The following ADGRL3 variants were observed in gnomAD, a reference collection of about 807,000 sequenced individuals.
The protein encoded by ADGRL3 is calcium-independent alpha-latrotoxin receptor 3.
Under a neutral mutation model 153.5 loss-of-function variants are expected in ADGRL3, and 62 were observed. That is an observed-to-expected ratio of 0.40 (90% CI 0.33 to 0.50). The LOEUF (loss-of-function observed/expected upper bound fraction) is 0.50. ADGRL3 is among the 20% of genes least tolerant of loss of function. The pLI is 0.47. For missense variants in ADGRL3, 1,641 were observed against 1,859.4 expected, an observed-to-expected ratio of 0.88 and a Z score of 2.16; for synonymous variants, 710 against 672.5, an observed-to-expected ratio of 1.06 and a Z score of -0.86.
intron 4 of ADGRL3, among the ~76,000 whole-genome samples, chr4:61,533,869 C>T (rs1393746145): frequency 6.6e-6 from 1 of 152,036 alleles, no homozygotes; most frequent in African/African-American, 2.4e-5. Flanking sequence ...TGAAAAAGTG[C>T]TATATACTAG....
chr4:61,586,180 G>A (rs1385645219), intron 4 of ADGRL3, among the ~76,000 whole-genome samples: 2 of 151,866 alleles, frequency 1.3e-5, no homozygotes, highest in East Asian at 3.9e-4. Flanking sequence ...ATTGATATTT[G>A]CCACATTTGA....
chr4:61,976,964 G>A (rs1454303463), intron 17 of ADGRL3, among the ~76,000 whole-genome samples: 1 of 152,154 alleles, frequency 6.6e-6, no homozygotes, highest in Admixed American at 6.5e-5. Flanking sequence ...CATATAGGTG[G>A]TTGGTGTTGA....
intron 8 of ADGRL3, among the ~76,000 whole-genome samples, chr4:61,766,791 G>C (rs1175505635): frequency 6.6e-6 from 1 of 151,780 alleles, no homozygotes; most frequent in Non-Finnish European, 1.5e-5. Flanking sequence ...TTGAGATCTA[G>C]AACAGAATAA....
chr4:61,510,583 T>A (rs187206064), intron 3 of ADGRL3, among the ~76,000 whole-genome samples: 30 of 152,216 alleles, frequency 2.0e-4, no homozygotes, highest in Non-Finnish European at 3.1e-4. Flanking sequence ...TGTGTGGCTT[T>A]ATTTCTGGCT....
intron 4 of ADGRL3, among the ~76,000 whole-genome samples, chr4:61,555,851 AACTATC>A (rs1209294596): frequency 2.0e-5 from 3 of 152,178 alleles, no homozygotes; most frequent in Non-Finnish European, 4.4e-5. Flanking sequence ...GGCATCTGTA[AACTATC>A]ACTGCGCTGG....
At chr4:61,362,734 G>A (rs1373608252) in intron 1 of ADGRL3, among the ~76,000 whole-genome samples, 6 of 151,950 alleles carry the variant, frequency 3.9e-5, no homozygotes, top group African/African-American at 1.5e-4. Flanking sequence ...CTGTTTCAGG[G>A]GTGACAGGCA....
At chr4:61,598,449 T>TATCAGCA (rs2098998214) in intron 5 of ADGRL3, among the ~76,000 whole-genome samples, 1 of 152,198 alleles carries the variant, frequency 6.6e-6, no homozygotes, top group African/African-American at 2.4e-5. Flanking sequence ...TATAAAATAA[T>TATCAGCA]ATCAGCAACA....
intron 6 of ADGRL3, among the ~76,000 whole-genome samples, chr4:61,684,518 G>T (rs892215691): frequency 6.6e-6 from 1 of 152,010 alleles, no homozygotes; most frequent in Admixed American, 6.6e-5. Flanking sequence ...AAGAAGAATG[G>T]GCTGGCAAAG....
chr4:61,699,067 G>T (rs2151273266), intron 6 of ADGRL3, among the ~76,000 whole-genome samples: 1 of 152,218 alleles, frequency 6.6e-6, no homozygotes, highest in East Asian at 1.9e-4. Flanking sequence ...ATCTAAAGAA[G>T]TCTTGAGCAC....
intron 2 of ADGRL3, among the ~76,000 whole-genome samples, chr4:61,438,940 C>T (rs2097491625): frequency 6.6e-6 from 1 of 151,940 alleles, no homozygotes; most frequent in African/African-American, 2.4e-5. Flanking sequence ...ATCGCCTGAC[C>T]TCATGATCCG....
intron 1 of ADGRL3, among the ~76,000 whole-genome samples, chr4:61,230,736 T>C (rs755047080): frequency 1.3e-5 from 2 of 152,172 alleles, no homozygotes; most frequent in African/African-American, 2.4e-5. Flanking sequence ...CATCCACCTA[T>C]CATGTATGAG....
chr4:61,900,101 A>G (rs1394084771), intron 11 of ADGRL3, among the ~76,000 whole-genome samples: 3 of 152,150 alleles, frequency 2.0e-5, no homozygotes, highest in Non-Finnish European at 2.9e-5. Context: ...TATGGTGGAC[A>G]TATCATTAAC....
intron 2 of ADGRL3, among the ~76,000 whole-genome samples, chr4:61,399,285 C>G (rs2152096108): frequency 6.6e-6 from 1 of 151,588 alleles, no homozygotes; most frequent in Non-Finnish European, 1.5e-5. Context: ...TTTAAAATAT[C>G]TTTTACAGTA....
chr4:61,321,928 G>A (rs13150558), intron 1 of ADGRL3, among the ~76,000 whole-genome samples: 10,622 of 152,104 alleles, frequency 0.07, 463 homozygotes, highest in South Asian at 0.12. Flanking sequence ...TTGTTACATA[G>A]TTTTTTAAAA....
At chr4:61,406,701 GT>G (rs1313733120) in intron 2 of ADGRL3, among the ~76,000 whole-genome samples, 2 of 151,962 alleles carry the variant, frequency 1.3e-5, no homozygotes, top group Non-Finnish European at 2.9e-5. Context: ...CCACATTCGT[GT>G]TTGGAGAGGC....
chr4:61,382,619 T>C (rs2096684239), intron 1 of ADGRL3, among the ~76,000 whole-genome samples: 1 of 151,814 alleles, frequency 6.6e-6, no homozygotes, highest in African/African-American at 2.4e-5. Context: ...ATTTAGATTA[T>C]TGTGAATAAA....
At chr4:61,382,660 A>G (rs905609727) in intron 1 of ADGRL3, among the ~76,000 whole-genome samples, 1 of 151,634 alleles carries the variant, frequency 6.6e-6, no homozygotes, top group East Asian at 1.9e-4. Context: ...TGTATACATA[A>G]ATAAGGGTGT....
chr4:61,601,863 C>G (rs1296802723), intron 5 of ADGRL3, among the ~76,000 whole-genome samples: 1 of 152,122 alleles, frequency 6.6e-6, no homozygotes, highest in East Asian at 1.9e-4. Flanking sequence ...GTCTTTCAAA[C>G]TACTATACTT....
chr4:61,770,665 A>G (rs892998154), intron 8 of ADGRL3, among the ~76,000 whole-genome samples: 24 of 152,118 alleles, frequency 1.6e-4, no homozygotes, highest in Non-Finnish European at 3.5e-4. Flanking sequence ...GTTTGTATAG[A>G]CTCAATTTGT....
Sources: allele counts gnomAD v4.1 joint callset (sites outside exome capture counted in the v4.1 genomes callset), GRCh38; gene constraint gnomAD v4.1.1; transcripts MANE v1.5; gene names NCBI Gene and HGNC (gene_info 2026-07-23, HGNC 2026-07-21).